The following MYL3 variants were observed in gnomAD, a reference collection of about 807,000 sequenced individuals.
MYL3 encodes myosin light chain 3.
In MYL3, 11 loss-of-function variants were observed where a neutral mutation model predicts 21.3. The observed-to-expected ratio is 0.52, with a 90% confidence interval of 0.32 to 0.85. The LOEUF is 0.85. MYL3 is among the 40% of genes least tolerant of loss of function. MYL3 has a pLI of 0.03. For synonymous variants in MYL3, 88 were observed against 91.6 expected (o/e 0.96, Z 0.22); for missense variants, 206 against 253.3 (o/e 0.81, Z 1.27).
chr3:46,863,213 C>A (rs1298654366), intron 1 of MYL3, 49 bp downstream of exon 1: 1 of 1,612,362 alleles, frequency 6.2e-7, no homozygotes, highest in Non-Finnish European at 8.5e-7. Flanking sequence ...ACTCTGGGAT[C>A]CACTCACTTG....
At chr3:46,864,808 A>G (rs1289952126), upstream of MYL3, among the ~76,000 whole-genome samples, 1 of 152,192 alleles carries the variant, frequency 6.6e-6, no homozygotes, top group Non-Finnish European at 1.5e-5. This position sits in a 1 kb window ranked among gnomAD's most constrained non-coding sequence, Gnocchi z 4.7. Context: ...CCTTCAGCAG[A>G]TGACAGTGAC....
At position 46,874,095 on chromosome 3, in the gene MYL3, T is replaced by C. The variant is rs2030062338; in HGVS notation, c.-217-7495A>G. Among the ~76,000 whole-genome samples, 1 of 152,122 alleles carries C rather than the reference T, an allele frequency of 6.6e-6. No individual in the cohort carries two copies. Among genetic ancestry groups the C allele is most frequent in the Non-Finnish European group, 1.5e-5 (1 of 67,998 alleles). On this transcript the variant is annotated intron_variant, in intron 1 of 3. Transcript: ENST00000431168. The surrounding 1 kb of genome is among the most constrained non-coding windows in gnomAD (Gnocchi z 4.1). ...GGAGACTTGCTCTGGATGAGCGGGG[T>C]GACCTCTGGCATGCCATTGCCCTTC...
rs750338601 is a variant in MYL3 at position 46,879,295 on chromosome 3, G to C, written c.-218+2779C>G. 1.1e-4 allele frequency among the ~76,000 whole-genome samples: 17 copies of C among 152,140 alleles called. No individual in the cohort carries two copies. The highest frequency in any genetic ancestry group is 2.2e-4 in the Non-Finnish European group (15 of 68,024). On this transcript the variant is annotated intron_variant, in intron 1 of 3. Coordinates refer to the MYL3 transcript ENST00000431168. This position sits in a 1 kb window ranked among gnomAD's most constrained non-coding sequence, Gnocchi z 4.7. ...TGTTTCCAAATCTCAAGTTTTCCCT[G>C]GTGTCAGATCTGAAAAGAACTCCTC...
At chr3:46,877,152 G>A (rs2030265214) in intron 1 of MYL3, among the ~76,000 whole-genome samples, 1 of 152,148 alleles carries the variant, frequency 6.6e-6, no homozygotes, top group Non-Finnish European at 1.5e-5. Context: ...ATATGAGGTG[G>A]CTGTGGGGCT....
At chr3:46,875,665 G>A (rs2030169178) in intron 1 of MYL3, among the ~76,000 whole-genome samples, 1 of 152,192 alleles carries the variant, frequency 6.6e-6, no homozygotes, top group Non-Finnish European at 1.5e-5. Flanking sequence ...TTACGACGCT[G>A]CAAATACCTG....
At position 46,860,609 on chromosome 3, in the gene MYL3, G is replaced by T; in HGVS notation, c.307+67C>A. The stretch of plus-strand genomic sequence containing the variant: ...GATTCTCGTGCTATCCCGCAGGATG[G>T]ATGGCAGCCCACCCAGCCAGTCTCC... On this transcript the variant is annotated intron_variant, in intron 3 of 6. Transcript: ENST00000292327. The surrounding 1 kb of genome is among the most constrained non-coding windows in gnomAD (Gnocchi z 4.6). The T allele has an allele frequency of 6.3e-7, 1 of 1,596,954 alleles. No homozygotes were observed. Among genetic ancestry groups the T allele is most frequent in the Non-Finnish European group, 8.5e-7 (1 of 1,174,748 alleles).
At chr3:46,858,318 G>A (rs1337601205) in intron 5 of MYL3, 46 bp from the exon 6 acceptor site, 2 of 1,614,064 alleles carry the variant, frequency 1.2e-6, no homozygotes, top group Non-Finnish European at 1.7e-6. Context: ...ACATGGGGAA[G>A]CCATGGCTGG....
At chr3:46,880,067 G>A (rs767600452) in intron 1 of MYL3, among the ~76,000 whole-genome samples, 8 of 152,190 alleles carry the variant, frequency 5.3e-5, no homozygotes, top group Non-Finnish European at 4.4e-5. Flanking sequence ...ATAAAGCTGA[G>A]ACCATTAAAA....
intron 1 of MYL3, among the ~76,000 whole-genome samples, chr3:46,869,897 T>C (rs1296864958): frequency 6.6e-6 from 1 of 152,030 alleles, no homozygotes; most frequent in Non-Finnish European, 1.5e-5. Flanking sequence ...GGACCGACTG[T>C]CTCAGGCAAA....
At chr3:46,863,578 A>G (rs540748278), upstream of MYL3, 1 of 614,232 alleles carries the variant, frequency 1.6e-6, no homozygotes, top group South Asian at 2.0e-5. Context: ...GGGCCTGGGG[A>G]GGGCATTGTT....
intron 1 of MYL3, among the ~76,000 whole-genome samples, chr3:46,876,880 TG>T (rs1378511469): frequency 6.6e-6 from 1 of 152,174 alleles, no homozygotes; most frequent in Non-Finnish European, 1.5e-5. Context: ...TCACAGGGCC[TG>T]GGGGTGAGGT....
Position 46,858,453 on chromosome 3 carries a change from G to A in MYL3, c.490C>T (p.Leu164=), listed in dbSNP as rs767179578. 2.5e-6 allele frequency: 4 copies of A among 1,613,326 alleles called. No individual in the cohort carries two copies. The highest frequency in any genetic ancestry group is 1.1e-5 in the South Asian group (1 of 91,076). The change falls in exon 5 of 7, where the codon CTG becomes TTG. Residue 164 remains leucine, a synonymous_variant. Coordinates refer to ENST00000292327, the MANE Select transcript of MYL3 (RefSeq NM_000258.3). ...RHVLATLGER[L]TEDEVEKLMA... The stretch of plus-strand genomic sequence containing the variant: ...AACTTCTCCACTTCGTCTTCTGTCA[G>A]CCTCTCACCTGGCAGGAGTGGGAGG...
In MYL3 at chr3:46,876,837, T is replaced by G. The variant is rs557394193; in HGVS notation, c.-218+5237A>C. ...CTTCCAGACACAAACCAGCTCAGAC[T>G]GGGCTCAGGCAGAAGGGCAGCCTCC... On this transcript the variant is annotated intron_variant, in intron 1 of 3. Coordinates refer to the MYL3 transcript ENST00000431168. Among the ~76,000 whole-genome samples the G allele has an allele frequency of 2.6e-5, 4 of 152,302 alleles. No individual in the cohort carries two copies. In the South Asian group the frequency reaches 8.3e-4, roughly 32 times the overall value.
At position 46,860,661 on chromosome 3, in the gene MYL3, G is replaced by C; in HGVS notation, c.307+15C>G. 6.2e-7 allele frequency: 1 copy of C among 1,612,598 alleles called. No homozygotes were observed. The highest frequency in any genetic ancestry group is 8.5e-7 in the Non-Finnish European group (1 of 1,179,988). ...CGGTACTAACACTATGGGGGCTCTC[G>C]GGCAGGTGCACTACCTTCCTGTCTT... On this transcript the variant is annotated intron_variant, in intron 3 of 6. Transcript: ENST00000292327. The surrounding 1 kb of genome is among the most constrained non-coding windows in gnomAD (Gnocchi z 4.6).
chr3:46,857,876 G>T lies in MYL3; in HGVS notation c.*239C>A. On this transcript the variant is annotated 3_prime_UTR_variant, in exon 7 of 7. Transcript: ENST00000292327. The surrounding 1 kb of genome is among the most constrained non-coding windows in gnomAD (Gnocchi z 5.0). ...GGAAGGGAAATAAGTCAGAAAGGAA[G>T]GCCGGCAAGAAGCCATTTATTCATG... 1 of 343,292 alleles carries T rather than the reference G, an allele frequency of 2.9e-6. No individual in the cohort carries two copies. The highest frequency in any genetic ancestry group is 5.4e-6 in the Non-Finnish European group (1 of 184,080). 21.3% of individuals were successfully genotyped at this position (343,292 alleles called of 1,614,324 possible).
At chr3:46,868,583 G>T (rs1033456833) in intron 1 of MYL3, among the ~76,000 whole-genome samples, 1 of 152,352 alleles carries the variant, frequency 6.6e-6, no homozygotes, top group African/African-American at 2.4e-5. Context: ...GCTTAGGGCT[G>T]TGGTGTCCTG....
At chr3:46,866,172 C>T (rs1205316042), upstream of MYL3, among the ~76,000 whole-genome samples, 1 of 152,216 alleles carries the variant, frequency 6.6e-6, no homozygotes, top group African/African-American at 2.4e-5. Flanking sequence ...ATGCCTGGCA[C>T]TTCCCTCTCT....
intron 1 of MYL3, among the ~76,000 whole-genome samples, chr3:46,871,221 A>G (rs1209568990): frequency 6.6e-6 from 1 of 151,828 alleles, no homozygotes; most frequent in African/African-American, 2.4e-5. Context: ...AAATCAGGGA[A>G]CCCTACCAGG....
rs1037865109 is a variant in MYL3, at chr3:46,861,920, C to T, written c.130-933G>A. On this transcript the variant is annotated intron_variant, in intron 1 of 6. Transcript: ENST00000292327. This position sits in a 1 kb window ranked among gnomAD's most constrained non-coding sequence, Gnocchi z 4.2. ...CAGAGGGACACCCTGTTCAGGGCCA[C>T]CCTACCATGACTGTCCCTCCTGGCT... 6.6e-6 allele frequency among the ~76,000 whole-genome samples: 1 copy of T among 152,164 alleles called. No homozygotes were observed. The highest frequency in any genetic ancestry group is 1.5e-5 in the Non-Finnish European group (1 of 68,020).
Sources: gnomAD v4.1 joint callset for allele counts (sites outside exome capture counted in the v4.1 genomes callset) on GRCh38, gnomAD v4.1.1 for gene constraint, Gnocchi (gnomAD v3.1) non-coding constraint, MANE v1.5 for transcripts, NCBI Gene and HGNC (gene_info 2026-07-23, HGNC 2026-07-21) for gene names.